RCAN2: variants seen among roughly 807,000 people sequenced by gnomAD.
The protein encoded by RCAN2 is regulator of calcineurin 2.
Under a neutral mutation model 23.6 loss-of-function variants are expected in RCAN2, and 9 were observed. The ratio of observed to expected loss-of-function variants is 0.38; its 90% CI spans 0.23 to 0.67. The LOEUF (loss-of-function observed/expected upper bound fraction) is 0.67, where lower values mean the gene tolerates loss of function less well. Among genes scored for constraint, RCAN2 ranks in the 30% least tolerant of loss-of-function variants. The probability of loss-of-function intolerance (pLI) is 0.51; values close to 1 mark genes in which losing one functional copy is unlikely to be tolerated. For missense variants in RCAN2, 273 were observed against 302.3 expected (o/e 0.90, Z 0.72); for synonymous variants, 109 against 115.7 (o/e 0.94, Z 0.37).
At chr6:46,416,041 A>G (rs1766706522) in intron 2 of RCAN2, among the ~76,000 whole-genome samples, 1 of 152,202 alleles carries the variant, frequency 6.6e-6, no homozygotes, top group African/African-American at 2.4e-5. Flanking sequence ...CCGACAAGAA[A>G]AATGTCTGCA....
intron 4 of RCAN2, among the ~76,000 whole-genome samples, chr6:46,232,978 C>A (rs1247448097): frequency 1.3e-5 from 2 of 152,102 alleles, no homozygotes; most frequent in African/African-American, 2.4e-5. Context: ...GGCACACACA[C>A]AATGTGCCCC....
rs989209804 is a variant in RCAN2 at position 46,248,853 on chromosome 6, G to A, written c.269C>T (p.Thr90Met). The A allele has an allele frequency of 3.7e-5, 60 of 1,611,970 alleles. No homozygotes were observed. The highest frequency in any genetic ancestry group is 4.8e-5 in the Non-Finnish European group (57 of 1,179,554). The change falls in exon 3 of 5, where the codon ACG becomes ATG. Residue 90 changes from threonine (T) to methionine (M), a missense_variant. Coordinates refer to ENST00000371374, the MANE Select transcript of RCAN2 (RefSeq NM_001251974.2). ...GLFRTYDDCV[T>M]FQLFKSFRRV... ...TCTGAAACTCTTAAATAGCTGGAAC[G>A]TCACACAGTCATCATAAGTCCGAAA...
intron 2 of RCAN2, among the ~76,000 whole-genome samples, chr6:46,313,941 A>AT (rs1431759141): frequency 1.3e-5 from 2 of 152,374 alleles, no homozygotes; most frequent in African/African-American, 4.8e-5. Context: ...AAAATACACC[A>AT]TGCACTATCT....
At chr6:46,482,105 T>C (rs1768878982) in intron 1 of RCAN2, among the ~76,000 whole-genome samples, 1 of 152,082 alleles carries the variant, frequency 6.6e-6, no homozygotes, top group Admixed American at 6.6e-5. Context: ...ATCTTAAAGA[T>C]AAGCTCTCAC....
At chr6:46,372,861 C>T (rs1186305413) in intron 2 of RCAN2, among the ~76,000 whole-genome samples, 1 of 152,160 alleles carries the variant, frequency 6.6e-6, no homozygotes, top group East Asian at 1.9e-4. Flanking sequence ...TCCCCAAGAA[C>T]ATGTTACAGG....
At chr6:46,242,861 G>A (rs1231317053) in intron 4 of RCAN2, among the ~76,000 whole-genome samples, 1 of 152,172 alleles carries the variant, frequency 6.6e-6, no homozygotes, top group Non-Finnish European at 1.5e-5. Context: ...AATAGCTCTG[G>A]TCTATTCCTT....
rs141065315 is a variant in RCAN2, at chr6:46,434,211, T to G, written c.225+22541A>C. ...CTGAATATTACCACAGTGATAAAAG[T>G]GCTGAGCCTAACCATCTGGGTAACC... On this transcript the variant is annotated intron_variant, in intron 2 of 4. Transcript: ENST00000371374. 2.4e-4 allele frequency among the ~76,000 whole-genome samples: 37 copies of G among 152,322 alleles called. 1 individual carries two copies. Among genetic ancestry groups the G allele is most frequent in the African/African-American group, 8.4e-4 (35 of 41,586 alleles).
chr6:46,367,020 T>G (rs1366693026), intron 2 of RCAN2, among the ~76,000 whole-genome samples: 2 of 103,686 alleles, frequency 1.9e-5, no homozygotes, highest in East Asian at 8.3e-4. Flanking sequence ...TTATCTGGGA[T>G]GGATATATAT....
In RCAN2 at chr6:46,456,886, T is replaced by C. The variant is rs1398240731; in HGVS notation, c.91A>G (p.Ile31Val). The C allele has an allele frequency of 6.4e-7, 1 of 1,550,604 alleles. No individual in the cohort carries two copies. Among genetic ancestry groups the C allele is most frequent in the Non-Finnish European group, 8.7e-7 (1 of 1,147,020 alleles). The change falls in exon 2 of 5, where the codon ATA becomes GTA. Residue 31 changes from isoleucine to valine, a missense_variant. By Grantham distance (29) the Ile-to-Val change is conservative. Coordinates refer to ENST00000371374, the MANE Select transcript of RCAN2 (RefSeq NM_001251974.2). ...EDGGLFLLCC[I>V]DRDWAVTRCF... is the part of the protein sequence containing the mutation. ...CGAGTGACAGCCCAGTCCCTGTCTATGCAGCACAGTAAGAAAAGTCCTCCA... is the reference window on the plus strand; with the variant it reads ...CGAGTGACAGCCCAGTCCCTGTCTACGCAGCACAGTAAGAAAAGTCCTCCA...
At chr6:46,423,065 G>A (rs1374142986) in intron 2 of RCAN2, among the ~76,000 whole-genome samples, 1 of 152,148 alleles carries the variant, frequency 6.6e-6, no homozygotes, top group African/African-American at 2.4e-5. Flanking sequence ...GGAGGTCCAG[G>A]TGTTTCATTT....
chr6:46,420,294 C>T (rs990315178), intron 2 of RCAN2, among the ~76,000 whole-genome samples: 22 of 151,998 alleles, frequency 1.4e-4, no homozygotes, highest in Non-Finnish European at 1.8e-4. Flanking sequence ...ATACAGACTA[C>T]CGTGTGCAAG....
chr6:46,469,979 CGATCTTGGACTTCCTT>C (rs1271124302), intron 1 of RCAN2, among the ~76,000 whole-genome samples: 1 of 152,164 alleles, frequency 6.6e-6, no homozygotes, highest in Non-Finnish European at 1.5e-5. Flanking sequence ...GACCGAACCT[CGATCTTGGACTTCCTT>C]GATCTTGGAC....
intron 4 of RCAN2, among the ~76,000 whole-genome samples, chr6:46,238,160 A>G (rs1275204043): frequency 6.6e-6 from 1 of 152,204 alleles, no homozygotes; most frequent in Non-Finnish European, 1.5e-5. Flanking sequence ...TCTAAAGGGA[A>G]GGAAAAAAAG....
At chr6:46,225,473 T>C (rs1016251089) in intron 4 of RCAN2, among the ~76,000 whole-genome samples, 8 of 152,230 alleles carry the variant, frequency 5.3e-5, no homozygotes, top group Admixed American at 3.3e-4. Flanking sequence ...ATGATCACCA[T>C]TCTAACTGGT....
intron 2 of RCAN2, among the ~76,000 whole-genome samples, chr6:46,281,238 T>A (rs1165930222): frequency 6.6e-6 from 1 of 152,188 alleles, no homozygotes; most frequent in African/African-American, 2.4e-5. Context: ...TGGACATATG[T>A]CCAGTTTATG....
rs575783520 is a variant in RCAN2 at position 46,434,603 on chromosome 6, A to G, written c.225+22149T>C. On this transcript the variant is annotated intron_variant, in intron 2 of 4. Coordinates refer to ENST00000371374, the MANE Select transcript of RCAN2 (RefSeq NM_001251974.2). The stretch of plus-strand genomic sequence containing the variant: ...AGAATGAGATGTAGAGAATGGGATT[A>G]TAACTTTCTTTTCTTCATGCTTCTT... 3.1e-3 allele frequency among the ~76,000 whole-genome samples: 466 copies of G among 152,350 alleles called. 2 individuals carry two copies. The highest frequency in any genetic ancestry group is 8.5e-3 in the African/African-American group (354 of 41,576).
chr6:46,420,711 T>TA (rs1766862317), intron 2 of RCAN2, among the ~76,000 whole-genome samples: 1 of 151,702 alleles, frequency 6.6e-6, no homozygotes, highest in Admixed American at 6.6e-5. Flanking sequence ...GCCCGGCTAC[T>TA]TTTTTTTGTA....
At chr6:46,283,294 T>G (rs1762264314) in intron 2 of RCAN2, among the ~76,000 whole-genome samples, 2 of 151,884 alleles carry the variant, frequency 1.3e-5, no homozygotes, top group Non-Finnish European at 2.9e-5. Context: ...TAAAACAACA[T>G]TAGTTGGGCA....
intron 2 of RCAN2, among the ~76,000 whole-genome samples, chr6:46,398,485 C>T (rs1766154731): frequency 6.6e-6 from 1 of 151,998 alleles, no homozygotes; most frequent in African/African-American, 2.4e-5. Flanking sequence ...AACCTTAACC[C>T]AGTAATATAG....
Sources: gnomAD v4.1 joint callset for allele counts (sites outside exome capture counted in the v4.1 genomes callset) on GRCh38, gnomAD v4.1.1 for gene constraint, MANE v1.5 for transcripts, NCBI Gene and HGNC (gene_info 2026-07-23, HGNC 2026-07-21) for gene names.